PARD3B: variants seen among roughly 807,000 people sequenced by gnomAD.
The protein encoded by PARD3B is partitioning defective 3 homolog B.
PARD3B carries 103 observed loss-of-function variants against 130.2 expected under a neutral mutation model. That is an observed-to-expected ratio of 0.79 (90% CI 0.67 to 0.93). The LOEUF (loss-of-function observed/expected upper bound fraction) is 0.93. Among genes scored for constraint, PARD3B ranks in the 40% least tolerant of loss-of-function variants. The pLI, the probability that PARD3B is intolerant of heterozygous loss-of-function variation, is 0.00. For synonymous variants in PARD3B, 583 were observed against 553.2 expected, an observed-to-expected ratio of 1.05 and a Z score of -0.76; for missense variants, 1,609 against 1,499.2, an observed-to-expected ratio of 1.07 and a Z score of -1.21.
intron 2 of PARD3B, among the ~76,000 whole-genome samples, chr2:204,690,241 GT>G (rs1339763236): frequency 6.6e-6 from 1 of 152,128 alleles, no homozygotes; most frequent in Non-Finnish European, 1.5e-5. Context: ...AGAAAAACAA[GT>G]TTGTATTACA....
chr2:205,497,318 G>A (rs1422485622), intron 20 of PARD3B, among the ~76,000 whole-genome samples: 1 of 151,834 alleles, frequency 6.6e-6, no homozygotes, highest in Non-Finnish European at 1.5e-5. Flanking sequence ...AGAACCCTGT[G>A]CGAACTGTCA....
intron 20 of PARD3B, among the ~76,000 whole-genome samples, chr2:205,476,490 A>G (rs1478634492): frequency 1.3e-5 from 2 of 152,144 alleles, no homozygotes; most frequent in African/African-American, 4.8e-5. Context: ...GTAGCAGTGA[A>G]TGTGGATTGG....
At chr2:204,616,942 C>T (rs778452680) in intron 1 of PARD3B, among the ~76,000 whole-genome samples, 6 of 152,078 alleles carry the variant, frequency 3.9e-5, no homozygotes, top group Admixed American at 6.6e-5. Context: ...TTCTTTCGTC[C>T]CTTAAACTTC....
intron 2 of PARD3B, among the ~76,000 whole-genome samples, chr2:204,717,935 G>C (rs1275714444): frequency 6.6e-6 from 1 of 152,196 alleles, no homozygotes; most frequent in Non-Finnish European, 1.5e-5. Flanking sequence ...TGTGATGACA[G>C]TTCTGCTGAA....
At chr2:205,574,786 G>A (rs2053686456) in intron 22 of PARD3B, among the ~76,000 whole-genome samples, 1 of 150,826 alleles carries the variant, frequency 6.6e-6, no homozygotes, top group Non-Finnish European at 1.5e-5. Context: ...GTGTTGACAA[G>A]GAGATGGGGA....
intron 18 of PARD3B, among the ~76,000 whole-genome samples, chr2:205,338,793 A>T (rs2043410455): frequency 6.6e-6 from 1 of 152,238 alleles, no homozygotes; most frequent in South Asian, 2.1e-4. Context: ...AATTATAGTG[A>T]ATTTCCAGAT....
chr2:205,547,447 A>G (rs1035471227), intron 21 of PARD3B, among the ~76,000 whole-genome samples: 1 of 152,182 alleles, frequency 6.6e-6, no homozygotes, highest in African/African-American at 2.4e-5. Flanking sequence ...TTATTATACC[A>G]TAGTAATGAG....
intron 2 of PARD3B, among the ~76,000 whole-genome samples, chr2:204,935,486 C>T (rs1489719892): frequency 6.6e-6 from 1 of 151,638 alleles, no homozygotes. Flanking sequence ...TTGCAGTGAG[C>T]CAAGATGGCG....
In PARD3B at chr2:205,500,016, G is replaced by A. The variant is rs763090578; in HGVS notation, c.3165G>A (p.Glu1055=). 6.2e-7 allele frequency: 1 copy of A among 1,613,692 alleles called. No individual in the cohort carries two copies. The highest frequency in any genetic ancestry group is 8.5e-7 in the Non-Finnish European group (1 of 1,179,712). ...ACGAAGGAAGAGCAAGGCCATCTGA[G>A]TATGACCTACTCTGGGTAAGCGCAT... ...EDDEGRARPS[E]YDLLWVPGRG... is the part of the protein sequence containing the mutation. Residue 1055 remains glutamate, a synonymous_variant, in exon 21 of 23, where the codon GAG becomes GAA. Coordinates refer to ENST00000406610, the MANE Select transcript of PARD3B (RefSeq NM_001302769.2).
chr2:205,453,640 A>G (rs2048177521), intron 20 of PARD3B, among the ~76,000 whole-genome samples: 1 of 152,184 alleles, frequency 6.6e-6, no homozygotes, highest in Admixed American at 6.5e-5. Context: ...TCCAAAACTC[A>G]TGCATGAGCT....
intron 14 of PARD3B, among the ~76,000 whole-genome samples, chr2:205,188,668 G>C (rs779658979): frequency 6.6e-6 from 1 of 151,908 alleles, no homozygotes; most frequent in Non-Finnish European, 1.5e-5. Flanking sequence ...AAGCTGCTGC[G>C]TTGCCTAGGT....
chr2:205,095,723 T>A (rs1476324326), intron 4 of PARD3B, among the ~76,000 whole-genome samples: 3 of 152,114 alleles, frequency 2.0e-5, no homozygotes, highest in African/African-American at 7.2e-5. Flanking sequence ...TCAGCTTAAG[T>A]CAACTTTTAC....
intron 13 of PARD3B, among the ~76,000 whole-genome samples, chr2:205,179,842 A>G (rs1354103252): frequency 6.6e-6 from 1 of 151,898 alleles, no homozygotes; most frequent in Non-Finnish European, 1.5e-5. Context: ...GTAAGGATAC[A>G]TCCAGAAAAC....
At chr2:204,842,209 T>A (rs1048271202) in intron 2 of PARD3B, among the ~76,000 whole-genome samples, 3 of 152,144 alleles carry the variant, frequency 2.0e-5, no homozygotes, top group Non-Finnish European at 4.4e-5. Flanking sequence ...AAAGCAATAG[T>A]CTTTCAAGCC....
intron 2 of PARD3B, among the ~76,000 whole-genome samples, chr2:204,918,109 G>A (rs1005539386): frequency 1.1e-4 from 16 of 152,200 alleles, no homozygotes; most frequent in Admixed American, 3.3e-4. Context: ...TTTATGGAAT[G>A]AAGTTAAACC....
At chr2:204,918,369 G>A (rs565562958) in intron 2 of PARD3B, among the ~76,000 whole-genome samples, 50 of 152,218 alleles carry the variant, frequency 3.3e-4, no homozygotes, top group African/African-American at 1.2e-3. Context: ...AGTGGCTCAC[G>A]CCTGTAATCC....
rs957863761 is a variant in PARD3B, at chr2:205,139,537, T to C, written c.1434+13800T>C. ...TTAGGTTGCAAATAAATTATATAAA[T>C]AAGTATTAATGCAATTATTAACTTG... On this transcript the variant is annotated intron_variant, in intron 10 of 22. Transcript: ENST00000406610. 3.9e-5 allele frequency among the ~76,000 whole-genome samples: 6 copies of C among 152,306 alleles called. No homozygotes were observed. In the South Asian group the frequency reaches 1.2e-3, roughly 32 times the overall value.
Position 205,454,994 on chromosome 2 carries a change from T to C in PARD3B, c.3044+14322T>C, listed in dbSNP as rs1001199529. ...ATGATATTATATACAACATTTATAT[T>C]AATTAGTATTTATTTACACTGTGGT... On this transcript the variant is annotated intron_variant, in intron 20 of 22. Transcript: ENST00000406610. 2.6e-5 allele frequency among the ~76,000 whole-genome samples: 4 copies of C among 152,126 alleles called. 1 individual carries two copies. Among genetic ancestry groups the C allele is most frequent in the Non-Finnish European group, 4.4e-5 (3 of 67,994 alleles).
intron 2 of PARD3B, among the ~76,000 whole-genome samples, chr2:204,743,562 G>A (rs1023424339): frequency 7.2e-5 from 11 of 152,070 alleles, no homozygotes; most frequent in East Asian, 3.9e-4. Context: ...CTTTAATGGC[G>A]TTGTAAAAAA....
Sources: gnomAD v4.1 joint callset for allele counts (sites outside exome capture counted in the v4.1 genomes callset) on GRCh38, gnomAD v4.1.1 for gene constraint, MANE v1.5 for transcripts, NCBI Gene and HGNC (gene_info 2026-07-23, HGNC 2026-07-21) for gene names.